Variants in COG5 observed in about 807,000 individuals in gnomAD.
COG5 encodes conserved oligomeric Golgi complex subunit 5.
COG5 carries 86 observed loss-of-function variants against 110.4 expected under a neutral mutation model. The ratio of observed to expected loss-of-function variants is 0.78; its 90% confidence interval spans 0.65 to 0.93. The LOEUF is 0.93. Among genes scored for constraint, COG5 ranks in the 40% least tolerant of loss-of-function variants. COG5 has a pLI of 0.00. For missense variants in COG5, 1,077 were observed against 987.0 expected (o/e 1.09, Z -1.22); for synonymous variants, 360 against 334.6 (o/e 1.08, Z -0.83).
In COG5 at chr7:107,412,608, A is replaced by G. The variant is rs1563018594; in HGVS notation, c.563T>C (p.Leu188Pro). ...ATTTTCTATCACTTCTATTCCAGAA[A>G]GATCTATTCCTTGAGAAAGATAATC... is the stretch of plus-strand genomic sequence containing the variant. The part of the protein sequence containing the change: ...ELDYLSQGID[L>P]SGIEVIENDL... The change falls in exon 7 of 22, where the codon CTT (leucine) becomes CCT (proline). Residue 188 changes from leucine to proline, a missense_variant. Coordinates refer to ENST00000297135, the MANE Select transcript of COG5 (RefSeq NM_006348.5). The G allele has an allele frequency of 1.9e-6, 3 of 1,559,238 alleles. No homozygotes were observed. Among genetic ancestry groups the G allele is most frequent in the Non-Finnish European group, 2.7e-6 (3 of 1,131,332 alleles).
intron 18 of COG5, among the ~76,000 whole-genome samples, chr7:107,233,413 T>C (rs888892836): frequency 6.6e-6 from 1 of 152,192 alleles, no homozygotes; most frequent in Non-Finnish European, 1.5e-5. Context: ...CTAAGGGGGC[T>C]GGATGTCAGG....
chr7:107,494,683 C>T (rs2129131054), intron 6 of COG5, among the ~76,000 whole-genome samples: 1 of 152,178 alleles, frequency 6.6e-6, no homozygotes, highest in East Asian at 1.9e-4. Flanking sequence ...AGAACATATC[C>T]CCATCATTAA....
intron 14 of COG5, among the ~76,000 whole-genome samples, chr7:107,270,873 TAACTAG>T (rs1804206168): frequency 7.2e-6 from 1 of 139,242 alleles, no homozygotes; most frequent in Non-Finnish European, 1.6e-5. Context: ...TTCATTATCC[TAACTAG>T]AACTTTTTTT....
At chr7:107,535,400 C>T (rs1449067716) in intron 5 of COG5, among the ~76,000 whole-genome samples, 1 of 151,306 alleles carries the variant, frequency 6.6e-6, no homozygotes, top group Non-Finnish European at 1.5e-5. Context: ...AAAAGACTAA[C>T]AAAATAAACC....
intron 6 of COG5, among the ~76,000 whole-genome samples, chr7:107,423,832 A>G (rs1306846225): frequency 6.6e-6 from 1 of 152,202 alleles, no homozygotes; most frequent in East Asian, 1.9e-4. Context: ...AGAATTGTTT[A>G]CTATGAACCC....
intron 17 of COG5, among the ~76,000 whole-genome samples, 180 bp from the exon 18 acceptor site, chr7:107,236,867 AT>A (rs1032229642): frequency 1.3e-5 from 2 of 152,230 alleles, no homozygotes; most frequent in Non-Finnish European, 1.5e-5. Context: ...TAAAAATTAC[AT>A]TTCAAAAAGT....
intron 13 of COG5, 63 bp downstream of exon 13, chr7:107,283,508 T>C: frequency 3.6e-6 from 5 of 1,385,138 alleles, no homozygotes; most frequent in South Asian, 1.2e-5. Flanking sequence ...GGTACTGCTA[T>C]CATATATCAC....
At chr7:107,413,583 C>T (rs977208075) in intron 6 of COG5, among the ~76,000 whole-genome samples, 4 of 151,298 alleles carry the variant, frequency 2.6e-5, no homozygotes, top group South Asian at 2.1e-4. Flanking sequence ...CAAACCCCAG[C>T]GACTGCCCTT....
intron 5 of COG5, among the ~76,000 whole-genome samples, chr7:107,534,419 C>T (rs1333236465): frequency 6.6e-6 from 1 of 150,748 alleles, no homozygotes; most frequent in Non-Finnish European, 1.5e-5. Context: ...TCAGGAGATC[C>T]ATCTCATGTG....
intron 6 of COG5, among the ~76,000 whole-genome samples, chr7:107,505,480 G>C (rs775223595): frequency 2.0e-4 from 30 of 152,160 alleles, no homozygotes; most frequent in Non-Finnish European, 3.2e-4. Flanking sequence ...CCTCCTGTGG[G>C]GATGCAGTCA....
chr7:107,464,557 G>C (rs1167540360), intron 6 of COG5, among the ~76,000 whole-genome samples: 2 of 152,062 alleles, frequency 1.3e-5, no homozygotes, highest in Non-Finnish European at 2.9e-5. Context: ...CAGCCCATAA[G>C]AGCCCTGTCA....
intron 7 of COG5, among the ~76,000 whole-genome samples, chr7:107,408,605 T>C (rs17154063): frequency 0.071 from 10,827 of 152,318 alleles, 460 homozygotes; most frequent in African/African-American, 0.12. Flanking sequence ...GCAGAGGCTG[T>C]ACTTTTCCTA....
chr7:107,289,216 C>T (rs1427475547), intron 12 of COG5, among the ~76,000 whole-genome samples: 1 of 151,792 alleles, frequency 6.6e-6, no homozygotes, highest in Non-Finnish European at 1.5e-5. Context: ...GGCACCACTT[C>T]ATTATTTTGC....
At chr7:107,222,456 G>A (rs1159193260) in intron 19 of COG5, among the ~76,000 whole-genome samples, 3 of 152,062 alleles carry the variant, frequency 2.0e-5, no homozygotes, top group Non-Finnish European at 2.9e-5. Flanking sequence ...CGCCCACCTC[G>A]GCCTTCCAAA....
chr7:107,210,409 C>A (rs894228927), intron 21 of COG5, 117 bp downstream of exon 21: 99 of 1,493,438 alleles, frequency 6.6e-5, no homozygotes, highest in Non-Finnish European at 8.7e-5. Flanking sequence ...TGGCCCGCCA[C>A]TGGAAGGTGC....
chr7:107,229,077 C>A (rs536809741), intron 19 of COG5, among the ~76,000 whole-genome samples: 94 of 152,176 alleles, frequency 6.2e-4, no homozygotes, highest in Non-Finnish European at 1.1e-3. Context: ...TATATAAAGG[C>A]CTCCCATCTG....
At chr7:107,204,415 C>G (rs1395964104) in intron 21 of COG5, among the ~76,000 whole-genome samples, 1 of 152,020 alleles carries the variant, frequency 6.6e-6, no homozygotes, top group African/African-American at 2.4e-5. Context: ...GTCCCTGAAC[C>G]AGATCGTCTG....
chr7:107,316,747 G>C (rs915966595), intron 11 of COG5, among the ~76,000 whole-genome samples: 3 of 147,814 alleles, frequency 2.0e-5, no homozygotes, highest in African/African-American at 7.6e-5. Flanking sequence ...CAGGAGAATG[G>C]CGTGAACCCA....
chr7:107,434,141 TAAAA>T (rs780129843), intron 6 of COG5, among the ~76,000 whole-genome samples: 6 of 152,032 alleles, frequency 3.9e-5, no homozygotes, highest in Non-Finnish European at 8.8e-5. Context: ...TGGCCACTAT[TAAAA>T]AAATACACAA....
Sources: allele counts gnomAD v4.1 joint callset (sites outside exome capture counted in the v4.1 genomes callset), GRCh38; gene constraint gnomAD v4.1.1; transcripts MANE v1.5; gene names NCBI Gene and HGNC (gene_info 2026-07-23, HGNC 2026-07-21).